The following GALNTL6 variants were observed in gnomAD, a reference collection of about 807,000 sequenced individuals.
GALNTL6 encodes polypeptide N-acetylgalactosaminyltransferase-like 6.
Under a neutral mutation model 73.7 loss-of-function variants are expected in GALNTL6, and 46 were observed. The ratio of observed to expected loss-of-function variants is 0.62; its 90% CI spans 0.49 to 0.80. The LOEUF is 0.80. Ranked by LOEUF, GALNTL6 falls within the 30% of genes least tolerant of loss-of-function variation. The pLI is 0.00. For synonymous variants in GALNTL6, 259 were observed against 263.7 expected (o/e 0.98, Z 0.17); for missense variants, 604 against 755.0 (o/e 0.80, Z 2.34).
intron 5 of GALNTL6, among the ~76,000 whole-genome samples, chr4:172,679,262 T>C (rs1732487112): frequency 6.6e-6 from 1 of 151,916 alleles, no homozygotes; most frequent in Non-Finnish European, 1.5e-5. Flanking sequence ...AAATACAAAA[T>C]TGGCCTGGTG....
intron 5 of GALNTL6, among the ~76,000 whole-genome samples, chr4:172,448,912 T>C (rs961088634): frequency 6.6e-6 from 1 of 152,188 alleles, no homozygotes; most frequent in Non-Finnish European, 1.5e-5. Flanking sequence ...GATCTCACTT[T>C]ACTAAGTATA....
At chr4:172,203,529 C>G (rs888628823) in intron 2 of GALNTL6, among the ~76,000 whole-genome samples, 6 of 152,072 alleles carry the variant, frequency 3.9e-5, no homozygotes, top group Non-Finnish European at 7.4e-5. Context: ...AGGAATTTTT[C>G]TATAGTATGT....
At chr4:172,008,849 G>A (rs1049151572) in intron 2 of GALNTL6, among the ~76,000 whole-genome samples, 4 of 152,052 alleles carry the variant, frequency 2.6e-5, no homozygotes, top group Non-Finnish European at 4.4e-5. Context: ...CTTTAGTCTT[G>A]CGAATCTACC....
At chr4:172,017,579 C>T (rs34143053) in intron 2 of GALNTL6, among the ~76,000 whole-genome samples, 58,435 of 151,794 alleles carry the variant, frequency 0.38, 11,568 homozygotes, top group South Asian at 0.44. Flanking sequence ...GTTGGGGTAC[C>T]GGTGCAGACG....
At chr4:172,654,251 A>G (rs1730857643) in intron 5 of GALNTL6, among the ~76,000 whole-genome samples, 1 of 152,194 alleles carries the variant, frequency 6.6e-6, no homozygotes, top group Non-Finnish European at 1.5e-5. Context: ...TCTGGTTTAC[A>G]TAGTAGCTCC....
intron 11 of GALNTL6, among the ~76,000 whole-genome samples, chr4:173,009,545 G>T (rs369693736): frequency 1.3e-5 from 2 of 152,320 alleles, no homozygotes; most frequent in African/African-American, 4.8e-5. Context: ...TATGAGAAAG[G>T]ATGGGAGAAA....
Position 172,326,210 on chromosome 4 carries a change from ATT to A in GALNTL6, c.386+14459_386+14460del, listed in dbSNP as rs565931381. ...ATATATAGCAATTTTAAGTTTTATA[ATT>A]CTATGTTTATAAAAAGAGAAAAAAC... On this transcript the variant is annotated intron_variant, in intron 4 of 12. Coordinates refer to ENST00000506823, the MANE Select transcript of GALNTL6 (RefSeq NM_001034845.3). 8.1e-4 allele frequency among the ~76,000 whole-genome samples: 123 copies of A among 152,150 alleles called. 2 individuals carry two copies. In the South Asian group the frequency reaches 0.016, roughly 19 times the overall value.
At chr4:172,339,859 G>C (rs1159050762) in intron 4 of GALNTL6, among the ~76,000 whole-genome samples, 2 of 152,080 alleles carry the variant, frequency 1.3e-5, no homozygotes, top group Non-Finnish European at 2.9e-5. Flanking sequence ...TTGGGATCTG[G>C]GGTGTCCTTC....
intron 5 of GALNTL6, among the ~76,000 whole-genome samples, chr4:172,792,270 C>T (rs1740035029): frequency 6.6e-6 from 1 of 152,062 alleles, no homozygotes; most frequent in South Asian, 2.1e-4. Flanking sequence ...CCAAAGAAAT[C>T]CCCTTAATGT....
intron 5 of GALNTL6, among the ~76,000 whole-genome samples, chr4:172,495,399 A>G (rs1337938833): frequency 6.6e-6 from 1 of 152,204 alleles, no homozygotes; most frequent in Non-Finnish European, 1.5e-5. Flanking sequence ...TGTATCCAGC[A>G]CAGTCTTACT....
chr4:172,115,167 A>G (rs376740066), intron 2 of GALNTL6, among the ~76,000 whole-genome samples: 2 of 152,256 alleles, frequency 1.3e-5, no homozygotes, highest in East Asian at 3.9e-4. Context: ...ACATAGAAAC[A>G]TTTAAAATCT....
intron 5 of GALNTL6, among the ~76,000 whole-genome samples, chr4:172,794,559 A>G (rs1740164395): frequency 6.6e-6 from 1 of 152,174 alleles, no homozygotes; most frequent in South Asian, 2.1e-4. Flanking sequence ...GCCAAATTAT[A>G]TTTCATAGTG....
intron 5 of GALNTL6, among the ~76,000 whole-genome samples, chr4:172,545,208 G>GT (rs1273529686): frequency 2.6e-5 from 4 of 152,054 alleles, no homozygotes; most frequent in Non-Finnish European, 4.4e-5. Context: ...GGGTGGGGGG[G>GT]TAACTAAGGC....
chr4:172,699,543 T>C (rs1253357826), intron 5 of GALNTL6, among the ~76,000 whole-genome samples: 2 of 152,084 alleles, frequency 1.3e-5, no homozygotes. Context: ...AAATTTCTCT[T>C]AGAAATAAGT....
At chr4:172,657,961 T>C (rs1030782218) in intron 5 of GALNTL6, among the ~76,000 whole-genome samples, 45 of 149,382 alleles carry the variant, frequency 3.0e-4, no homozygotes, top group Non-Finnish European at 5.2e-4. Context: ...CCATCCCGGC[T>C]AAAACGGTGA....
At chr4:172,064,886 A>G (rs1029837465) in intron 2 of GALNTL6, among the ~76,000 whole-genome samples, 3 of 152,208 alleles carry the variant, frequency 2.0e-5, no homozygotes, top group Admixed American at 1.3e-4. Context: ...ACTATTTTTC[A>G]ATATAAATAT....
chr4:172,668,197 A>G (rs976722709), intron 5 of GALNTL6: 1 of 152,198 alleles, frequency 6.6e-6, no homozygotes, highest in Non-Finnish European at 1.5e-5. Flanking sequence ...GTGCTAGTAG[A>G]CTACATTAGG....
At chr4:172,054,695 A>C (rs866165132) in intron 2 of GALNTL6, among the ~76,000 whole-genome samples, 1 of 152,198 alleles carries the variant, frequency 6.6e-6, no homozygotes, top group African/African-American at 2.4e-5. Flanking sequence ...ACGTTTCAAC[A>C]TAAGAATTTT....
intron 9 of GALNTL6, among the ~76,000 whole-genome samples, chr4:172,949,637 C>T (rs1159488388): frequency 6.6e-6 from 1 of 151,830 alleles, no homozygotes; most frequent in South Asian, 2.1e-4. Flanking sequence ...TAGCGGGGTG[C>T]GCTGGCTCAC....
Sources: allele counts gnomAD v4.1 joint callset (sites outside exome capture counted in the v4.1 genomes callset), GRCh38; gene constraint gnomAD v4.1.1; transcripts MANE v1.5; gene names NCBI Gene and HGNC (gene_info 2026-07-23, HGNC 2026-07-21).